Variants in CEMIP2 observed in about 807,000 individuals in gnomAD.
CEMIP2 encodes cell migration inducing hyaluronidase 2.
Under a neutral mutation model 146.9 loss-of-function variants are expected in CEMIP2, and 79 were observed. The observed-to-expected ratio is 0.54, with a 90% confidence interval of 0.45 to 0.65. The LOEUF (loss-of-function observed/expected upper bound fraction) is 0.65. Ranked by LOEUF, CEMIP2 falls within the 30% of genes least tolerant of loss-of-function variation. CEMIP2 has a pLI of 0.00. For missense variants in CEMIP2, 1,596 were observed against 1,696.2 expected, an observed-to-expected ratio of 0.94 and a Z score of 1.04; for synonymous variants, 601 against 606.3, an observed-to-expected ratio of 0.99 and a Z score of 0.13.
chr9:71,721,473 C>T (rs191294489), intron 12 of CEMIP2, among the ~76,000 whole-genome samples: 1 of 152,322 alleles, frequency 6.6e-6, no homozygotes, highest in East Asian at 1.9e-4. Flanking sequence ...ATTGCATCAA[C>T]ATATTTCAGG....
rs767959840 is a variant in CEMIP2 at position 71,746,238 on chromosome 9, T to C, written c.435A>G (p.Ser145=). ...IKEGDMLRLT[S]DATVHSIVIQ... is the part of the protein sequence containing the mutation. ...TGACTATAGAATGCACGGTGGCGTC[T>C]GAGGTCAGACGGAGCATATCTCCCT... The change falls in exon 3 of 24, where the codon TCA becomes TCG. Residue 145 remains serine, a synonymous_variant. Coordinates refer to ENST00000377044, the MANE Select transcript of CEMIP2 (RefSeq NM_013390.3). The C allele has an allele frequency of 6.2e-7, 1 of 1,613,862 alleles. No homozygotes were observed. The highest frequency in any genetic ancestry group is 1.3e-5 in the African/African-American group (1 of 74,918).
intron 5 of CEMIP2, among the ~76,000 whole-genome samples, chr9:71,736,087 C>T (rs2077737854): frequency 1.3e-5 from 2 of 152,154 alleles, no homozygotes; most frequent in South Asian, 4.1e-4. Context: ...AAGCAAGATC[C>T]TCTCTCAAAA....
chr9:71,735,076 T>C (rs1452197425), intron 5 of CEMIP2, 82 bp from the exon 6 acceptor site: 2 of 1,465,732 alleles, frequency 1.4e-6, no homozygotes, highest in Admixed American at 2.4e-5. Flanking sequence ...CTCACACTGA[T>C]TCACAAATCA....
At chr9:71,740,662 T>A (rs1231048472) in intron 4 of CEMIP2, among the ~76,000 whole-genome samples, 4 of 152,182 alleles carry the variant, frequency 2.6e-5, no homozygotes, top group Non-Finnish European at 5.9e-5. Context: ...GAAAAATATA[T>A]CAATGCACAG....
At chr9:71,737,483 C>CA (rs1453517200) in intron 5 of CEMIP2, among the ~76,000 whole-genome samples, 1 of 151,734 alleles carries the variant, frequency 6.6e-6, no homozygotes, top group African/African-American at 2.4e-5. Flanking sequence ...AAGAAGAACA[C>CA]ATTCACTTTG....
intron 19 of CEMIP2, chr9:71,699,465 A>AT (rs879678036): frequency 1.2e-5 from 5 of 412,806 alleles, no homozygotes; most frequent in South Asian, 7.1e-5. Flanking sequence ...AAAAAAAAAA[A>AT]GAAAGAAAGA....
intron 15 of CEMIP2, among the ~76,000 whole-genome samples, chr9:71,714,694 T>C (rs1044736045): frequency 1.8e-4 from 28 of 152,216 alleles, no homozygotes; most frequent in Non-Finnish European, 3.1e-4. Flanking sequence ...ATAAAATTGA[T>C]AATTAAATCT....
At chr9:71,744,907 G>A (rs921360561) in intron 4 of CEMIP2, 111 bp downstream of exon 4, 4 of 1,120,722 alleles carry the variant, frequency 3.6e-6, no homozygotes, top group Non-Finnish European at 5.1e-6. Flanking sequence ...ATGGTAGAGT[G>A]GCCCTTCTGA....
intron 12 of CEMIP2, among the ~76,000 whole-genome samples, chr9:71,721,223 T>C (rs976524091): frequency 1.3e-5 from 2 of 152,168 alleles, no homozygotes; most frequent in African/African-American, 2.4e-5. Flanking sequence ...CTACCAATTA[T>C]AATAAACTCT....
chr9:71,728,251 G>GTGTATATATA (rs1823467194), intron 10 of CEMIP2, among the ~76,000 whole-genome samples: 2 of 14,284 alleles, frequency 1.4e-4, no homozygotes, highest in Non-Finnish European at 2.5e-4. Context: ...ATATATATAT[G>GTGTATATATA]TATATACACG....
chr9:71,743,336 G>C (rs1280326226), intron 4 of CEMIP2, among the ~76,000 whole-genome samples: 1 of 152,140 alleles, frequency 6.6e-6, no homozygotes, highest in Non-Finnish European at 1.5e-5. Flanking sequence ...TCTTGACCTG[G>C]GTGGTGGCTA....
chr9:71,728,547 T>G (rs1823516845), intron 10 of CEMIP2, among the ~76,000 whole-genome samples: 1 of 151,368 alleles, frequency 6.6e-6, no homozygotes, highest in African/African-American at 2.4e-5. Flanking sequence ...AAATTCTCAA[T>G]AATAAATACA....
chr9:71,716,657 T>A, intron 13 of CEMIP2, 105 bp from the exon 14 acceptor site: 5 of 993,060 alleles, frequency 5.0e-6, no homozygotes, highest in Non-Finnish European at 7.5e-6. Context: ...GGTCCCAATA[T>A]TTACTCTCTA....
In CEMIP2 at chr9:71,685,325, C is replaced by G; in HGVS notation, c.4024G>C (p.Ala1342Pro). 1 of 1,601,572 alleles carries G rather than the reference C, an allele frequency of 6.2e-7. No individual in the cohort carries two copies. Among genetic ancestry groups the G allele is most frequent in the Admixed American group, 1.7e-5 (1 of 57,658 alleles). Residue 1342 changes from alanine to proline, a missense_variant, in exon 24 of 24, where the codon GCT becomes CCT. Ala to Pro is a conservative substitution (Grantham distance 27, BLOSUM62 -1). Transcript: ENST00000377044. ...PSWTKLFTSP[A>P]GQGLGVLEQF... Reference sequence around the variant, plus strand: ...TCAAGCACCCCAAGGCCCTGTCCAGCAGGACTGGTAAATAGCTTAGTCCAT... The same window carrying G: ...TCAAGCACCCCAAGGCCCTGTCCAGGAGGACTGGTAAATAGCTTAGTCCAT...
intron 1 of CEMIP2, among the ~76,000 whole-genome samples, chr9:71,756,506 T>TCACACACA (rs1554689412): frequency 2.7e-5 from 3 of 112,496 alleles, no homozygotes; most frequent in African/African-American, 1.0e-4. Context: ...TCTCTCTCTC[T>TCACACACA]CACACACACA....
Position 71,685,378 on chromosome 9 carries a change from A to G in CEMIP2, c.3971T>C (p.Leu1324Ser). 6.5e-7 allele frequency: 1 copy of G among 1,543,740 alleles called. No individual in the cohort carries two copies. The highest frequency in any genetic ancestry group is 8.7e-7 in the Non-Finnish European group (1 of 1,152,722). ...HLYDKGSTIF[L>S]GFSGNFKPSW... is the part of the protein sequence containing the mutation. ...TGGTTTAAAGTTTCCACTGAATCCC[A>G]AAAATATGGTACTCCCTAAAAAAAA... Residue 1324 changes from leucine to serine, a missense_variant, in exon 24 of 24, where the codon TTG becomes TCG. Transcript: ENST00000377044.
At chr9:71,753,049 G>A (rs561262664) in intron 1 of CEMIP2, among the ~76,000 whole-genome samples, 6 of 152,136 alleles carry the variant, frequency 3.9e-5, no homozygotes, top group African/African-American at 1.4e-4. Flanking sequence ...CAAAAATAAT[G>A]GAGACATTCT....
At chr9:71,760,390 T>A (rs2132041640) in intron 1 of CEMIP2, among the ~76,000 whole-genome samples, 1 of 152,286 alleles carries the variant, frequency 6.6e-6, no homozygotes, top group Non-Finnish European at 1.5e-5. Flanking sequence ...ATGCCAAAAG[T>A]GAACCAAGTG....
At chr9:71,754,110 G>A (rs1415845699) in intron 1 of CEMIP2, among the ~76,000 whole-genome samples, 1 of 152,124 alleles carries the variant, frequency 6.6e-6, no homozygotes, top group Admixed American at 6.6e-5. Flanking sequence ...AATACCTAAA[G>A]TAAATGACGA....
Sources: gnomAD v4.1 joint callset for allele counts (sites outside exome capture counted in the v4.1 genomes callset) on GRCh38, gnomAD v4.1.1 for gene constraint, MANE v1.5 for transcripts, NCBI Gene and HGNC (gene_info 2026-07-23, HGNC 2026-07-21) for gene names.